The following EDEM2 variants were observed in gnomAD, a reference collection of about 807,000 sequenced individuals.
The protein encoded by EDEM2 is ER degradation enhancing alpha-mannosidase like protein 2, also known as ER degradation-enhancing alpha-mannosidase-like protein 2.
In EDEM2, 39 loss-of-function variants were observed where a neutral mutation model predicts 64.8. That is an observed-to-expected ratio of 0.60 (90% CI 0.47 to 0.79). The LOEUF is 0.79. EDEM2 is among the 30% of genes least tolerant of loss of function. The probability of loss-of-function intolerance (pLI) is 0.00; values close to 1 mark genes in which losing one functional copy is unlikely to be tolerated. For synonymous variants in EDEM2, 296 were observed against 291.5 expected, an observed-to-expected ratio of 1.02 and a Z score of -0.16; for missense variants, 609 against 731.3, an observed-to-expected ratio of 0.83 and a Z score of 1.93.
At chr20:35,146,682 A>C (rs891735896) in intron 2 of EDEM2, 143 bp downstream of exon 2, 2 of 876,354 alleles carry the variant, frequency 2.3e-6, no homozygotes, top group Non-Finnish European at 3.5e-6. Flanking sequence ...GATAGTAAGA[A>C]TTGCGGGGAG....
chr20:35,147,324 C>T lies in EDEM2; in HGVS notation c.-66G>A. On this transcript the variant is annotated 5_prime_UTR_variant, in exon 1 of 11. Coordinates refer to ENST00000374492, the MANE Select transcript of EDEM2 (RefSeq NM_018217.3). Reference sequence around the variant, plus strand: ...CACTGCAACCAGTTCATCCTGGGAGCTGCTGCGGGTTCTTCCGGGAATCCG... The same window carrying T: ...CACTGCAACCAGTTCATCCTGGGAGTTGCTGCGGGTTCTTCCGGGAATCCG... 2 of 1,398,204 alleles carry T rather than the reference C, an allele frequency of 1.4e-6. No individual in the cohort carries two copies. Among genetic ancestry groups the T allele is most frequent in the Non-Finnish European group, 1.9e-6 (2 of 1,070,058 alleles). 86.6% of individuals were successfully genotyped at this position (1,398,204 alleles called of 1,614,324 possible). A position where few individuals can be genotyped will look rare whatever the true frequency, so the allele number is the denominator to read the frequency against.
chr20:35,128,124 A>G lies in EDEM2; in HGVS notation c.845-1749T>C, dbSNP rs578177504. 1.1e-4 allele frequency among the ~76,000 whole-genome samples: 16 copies of G among 152,068 alleles called. No homozygotes were observed. In the East Asian group the frequency reaches 1.7e-3, roughly 17 times the overall value. On this transcript the variant is annotated intron_variant, in intron 7 of 10. Transcript: ENST00000374492. ...AAGTCGGCTGGGCGTGGTGGCTCAC[A>G]CCTGTAATCCCAGCACTTTGGGAGG...
chr20:35,119,382 C>G (rs1329243914), intron 9 of EDEM2, among the ~76,000 whole-genome samples: 1 of 152,044 alleles, frequency 6.6e-6, no homozygotes, highest in East Asian at 1.9e-4. Flanking sequence ...ATCGTTTGAA[C>G]CCAGGAGTTT....
At chr20:35,144,189 G>A (rs190160567) in intron 3 of EDEM2, among the ~76,000 whole-genome samples, 3 of 152,230 alleles carry the variant, frequency 2.0e-5, no homozygotes, top group East Asian at 3.9e-4. Context: ...GATTACAGGC[G>A]TGAGCCACTG....
chr20:35,138,366 T>C (rs903238080), intron 4 of EDEM2, among the ~76,000 whole-genome samples: 6 of 152,112 alleles, frequency 3.9e-5, no homozygotes, highest in Admixed American at 2.6e-4. Context: ...CGTATGAAGA[T>C]ACTGAGGTTC....
At chr20:35,138,732 A>T (rs1600715408) in intron 4 of EDEM2, among the ~76,000 whole-genome samples, 1 of 150,274 alleles carries the variant, frequency 6.7e-6, no homozygotes, top group African/African-American at 2.4e-5. Context: ...GGAGCTCACC[A>T]CCATGCCCGG....
chr20:35,130,082 T>C (rs191202896), intron 7 of EDEM2, among the ~76,000 whole-genome samples: 67 of 152,252 alleles, frequency 4.4e-4, no homozygotes, highest in South Asian at 2.9e-3. Context: ...AAAATTTTTA[T>C]TTTTGAGACA....
chr20:35,139,412 G>A (rs1260378486), intron 4 of EDEM2, among the ~76,000 whole-genome samples: 1 of 151,198 alleles, frequency 6.6e-6, no homozygotes, highest in East Asian at 2.0e-4. Context: ...ACTTTGGGAG[G>A]CTGAGGCAGG....
Position 35,146,833 on chromosome 20 carries a change from G to A in EDEM2, c.210C>T (p.Thr70=), listed in dbSNP as rs1569184545. 3 of 1,613,974 alleles carry A rather than the reference G, an allele frequency of 1.9e-6. No homozygotes were observed. Among genetic ancestry groups the A allele is most frequent in the South Asian group, 1.1e-5 (1 of 91,050 alleles). ...LRPLTCDGHD[T]WGSFSLTLID... is the part of the protein sequence containing the mutation. ...CCCTCCGCTCGCACTACCTGCCCCA[G>A]GTGTCGTGCCCGTCACAGGTGAGAG... The change falls in exon 2 of 11, where the codon ACC becomes ACT. Residue 70 remains threonine (T), a synonymous_variant. Coordinates refer to ENST00000374492, the MANE Select transcript of EDEM2 (RefSeq NM_018217.3).
intron 10 of EDEM2, 170 bp downstream of exon 10, chr20:35,118,428 T>C: frequency 1.0e-6 from 1 of 978,622 alleles, no homozygotes; most frequent in Admixed American, 2.1e-5. Context: ...GCAAGGCACT[T>C]AGCTTCTCTG....
intron 5 of EDEM2, among the ~76,000 whole-genome samples, chr20:35,135,637 C>T (rs553738284): frequency 3.6e-4 from 54 of 151,392 alleles, no homozygotes; most frequent in African/African-American, 1.2e-3. Context: ...GGTGACAGAG[C>T]GAGACCCTGT....
rs908104218 is a variant in EDEM2 at position 35,146,842 on chromosome 20, C to G, written c.201G>C (p.Gly67=). Residue 67 remains glycine (G), a synonymous_variant, in exon 2 of 11, where the codon GGG becomes GGC. Transcript: ENST00000374492. ...CGCACTACCTGCCCCAGGTGTCGTG[C>G]CCGTCACAGGTGAGAGGTCGCAGCT... ...FDELRPLTCD[G]HDTWGSFSLT... 6.2e-7 allele frequency: 1 copy of G among 1,614,074 alleles called. No individual in the cohort carries two copies. Among genetic ancestry groups the G allele is most frequent in the South Asian group, 1.1e-5 (1 of 91,068 alleles).
intron 7 of EDEM2, among the ~76,000 whole-genome samples, chr20:35,130,892 A>G (rs1437155031): frequency 6.6e-6 from 1 of 152,222 alleles, no homozygotes; most frequent in Non-Finnish European, 1.5e-5. Flanking sequence ...ACTGTGGGGA[A>G]CATAAGATGA....
chr20:35,138,873 C>T (rs951075300), intron 4 of EDEM2, among the ~76,000 whole-genome samples: 12 of 152,070 alleles, frequency 7.9e-5, no homozygotes, highest in Non-Finnish European at 1.2e-4. Context: ...CATGAGCCAC[C>T]GCACCCGGCC....
At chr20:35,128,478 G>A (rs998403599) in intron 7 of EDEM2, among the ~76,000 whole-genome samples, 2 of 148,380 alleles carry the variant, frequency 1.3e-5, no homozygotes, top group Admixed American at 6.7e-5. Context: ...AAAATCACAG[G>A]AGAATTGAAC....
intron 4 of EDEM2, among the ~76,000 whole-genome samples, chr20:35,139,708 T>C (rs529055935): frequency 1.3e-5 from 2 of 149,912 alleles, no homozygotes; most frequent in East Asian, 3.9e-4. Context: ...ATGTACCTTA[T>C]GGTAAAACTG....
At chr20:35,122,498 C>T (rs1028714410) in intron 9 of EDEM2, among the ~76,000 whole-genome samples, 1 of 151,458 alleles carries the variant, frequency 6.6e-6, no homozygotes, top group Non-Finnish European at 1.5e-5. Context: ...TCTCAGCCTC[C>T]CCAGTAGCTG....
intron 7 of EDEM2, among the ~76,000 whole-genome samples, chr20:35,130,164 G>T (rs1245428899): frequency 6.6e-6 from 1 of 152,028 alleles, no homozygotes; most frequent in Non-Finnish European, 1.5e-5. Context: ...GACCTCCCAG[G>T]GTCAAGCAAT....
At chr20:35,119,946 T>C (rs2085349351) in intron 9 of EDEM2, among the ~76,000 whole-genome samples, 1 of 152,212 alleles carries the variant, frequency 6.6e-6, no homozygotes, top group Non-Finnish European at 1.5e-5. Context: ...GAAGAACCCC[T>C]GTCTCCTTTC....
Sources: gnomAD v4.1 joint callset for allele counts (sites outside exome capture counted in the v4.1 genomes callset) on GRCh38, gnomAD v4.1.1 for gene constraint, MANE v1.5 for transcripts, NCBI Gene and HGNC (gene_info 2026-07-23, HGNC 2026-07-21) for gene names.